SND1: variants seen among roughly 807,000 people sequenced by gnomAD.
The protein encoded by SND1 is staphylococcal nuclease domain-containing protein 1.
Under a neutral mutation model 121.7 loss-of-function variants are expected in SND1, and 38 were observed. The observed-to-expected ratio is 0.31, with a 90% CI of 0.24 to 0.41. The LOEUF is 0.41. Ranked by LOEUF, SND1 falls within the 10% of genes least tolerant of loss-of-function variation. The probability of loss-of-function intolerance (pLI) is 1.00; values close to 1 mark genes in which losing one functional copy is unlikely to be tolerated. For missense variants in SND1, 868 were observed against 1,184.6 expected (o/e 0.73, Z 3.92); for synonymous variants, 401 against 447.4 (o/e 0.90, Z 1.31).
At chr7:127,684,879 TAATGTACAATTAAATATTGTATATTGG>T (rs1442590421) in intron 1 of SND1, among the ~76,000 whole-genome samples, 265 of 152,298 alleles carry the variant, frequency 1.7e-3, no homozygotes, top group African/African-American at 4.9e-3. Context: ...AGTACTAATT[TAATGTACAATTAAATATTGTATATTGG>T]AATGTACAAT....
intron 10 of SND1, among the ~76,000 whole-genome samples, chr7:127,730,686 AT>A (rs1220965825): frequency 6.6e-6 from 1 of 151,676 alleles, no homozygotes; most frequent in Non-Finnish European, 1.5e-5. Flanking sequence ...ACTCAGTTTG[AT>A]TTTTCTGGGT....
At chr7:128,037,492 T>A (rs1420080541) in intron 16 of SND1, among the ~76,000 whole-genome samples, 1 of 152,246 alleles carries the variant, frequency 6.6e-6, no homozygotes, top group African/African-American at 2.4e-5. Flanking sequence ...GTTCTGGGAA[T>A]GAGGATGTAC....
chr7:128,031,044 A>AGAGGGGAGGGGAGGG (rs891308260), intron 16 of SND1: 8 of 64,722 alleles, frequency 1.2e-4, no homozygotes, highest in South Asian at 1.1e-3. Flanking sequence ...CGGGGAGGGC[A>AGAGGGGAGGGGAGGG]GAGGGGAGGG....
chr7:127,838,954 A>G (rs1218462283), intron 11 of SND1, among the ~76,000 whole-genome samples: 1 of 152,232 alleles, frequency 6.6e-6, no homozygotes. Flanking sequence ...TAAATGATAC[A>G]TATGTATCTT....
At chr7:127,970,606 T>C (rs2116884997) in intron 15 of SND1, among the ~76,000 whole-genome samples, 1 of 152,312 alleles carries the variant, frequency 6.6e-6, no homozygotes, top group East Asian at 1.9e-4. Flanking sequence ...CAAACACATA[T>C]TTTCTAGGTC....
At chr7:127,938,395 G>A (rs1292756344) in intron 15 of SND1, among the ~76,000 whole-genome samples, 2 of 152,184 alleles carry the variant, frequency 1.3e-5, no homozygotes, top group African/African-American at 4.8e-5. Flanking sequence ...GTCTAGTTAT[G>A]TAGATGGCCA....
At position 127,678,102 on chromosome 7, in the gene SND1, C is replaced by G. The variant is rs1290383301; in HGVS notation, c.79-8511C>G. 5.3e-5 allele frequency among the ~76,000 whole-genome samples: 8 copies of G among 152,218 alleles called. 1 individual carries two copies. Among genetic ancestry groups the G allele is most frequent in the Non-Finnish European group, 8.8e-5 (6 of 68,038 alleles). On this transcript the variant is annotated intron_variant, in intron 1 of 23. Coordinates refer to ENST00000354725, the MANE Select transcript of SND1 (RefSeq NM_014390.4). ...ATTTTAATTGAGAAAAAGATTTAAT[C>G]AGTAGGTAACCTCAGATACCATTTT...
At chr7:127,737,258 A>G (rs1181277304) in intron 10 of SND1, among the ~76,000 whole-genome samples, 4 of 152,144 alleles carry the variant, frequency 2.6e-5, no homozygotes, top group Non-Finnish European at 5.9e-5. Context: ...AGTACTGTCA[A>G]CCTAGTCTTG....
chr7:127,766,996 A>T (rs1797434344), intron 10 of SND1, among the ~76,000 whole-genome samples: 1 of 151,976 alleles, frequency 6.6e-6, no homozygotes, highest in South Asian at 2.1e-4. Flanking sequence ...AATACAGCTC[A>T]TGGCAATAAC....
At chr7:127,707,771 G>A (rs1796227117) in intron 9 of SND1, 124 bp downstream of exon 9, 3 of 290,926 alleles carry the variant, frequency 1.0e-5, no homozygotes, top group East Asian at 1.2e-4. Flanking sequence ...GTAGGAGTGT[G>A]TGTGTGTGTG....
chr7:128,057,873 C>T (rs1793168649), intron 16 of SND1, among the ~76,000 whole-genome samples: 1 of 152,086 alleles, frequency 6.6e-6, no homozygotes, highest in South Asian at 2.1e-4. Context: ...ATCAGTCGAC[C>T]CAGATCAAAG....
chr7:127,878,723 G>A (rs1799735428), intron 12 of SND1, among the ~76,000 whole-genome samples: 1 of 152,054 alleles, frequency 6.6e-6, no homozygotes, highest in Non-Finnish European at 1.5e-5. Flanking sequence ...TTGTTAATCA[G>A]TGTAAATGGA....
Position 127,994,735 on chromosome 7 carries a change from G to A in SND1, c.1779+3679G>A, listed in dbSNP as rs568409632. Among the ~76,000 whole-genome samples, 15 of 152,058 alleles carry A rather than the reference G, an allele frequency of 9.9e-5. No individual in the cohort carries two copies. In the East Asian group the frequency reaches 1.5e-3, roughly 16 times the overall value. ...TTCTTGTTGTTTGATTGTTTGAAACGGAGTCTCGCTCTGTCGCCCAGGCTG... is the reference window on the plus strand; with the variant it reads ...TTCTTGTTGTTTGATTGTTTGAAACAGAGTCTCGCTCTGTCGCCCAGGCTG... On this transcript the variant is annotated intron_variant, in intron 16 of 23. Coordinates refer to ENST00000354725, the MANE Select transcript of SND1 (RefSeq NM_014390.4).
rs57970276 is a variant in SND1 at position 127,831,154 on chromosome 7, G to T, written c.1243-13170G>T. 3.3e-3 allele frequency among the ~76,000 whole-genome samples: 496 copies of T among 152,266 alleles called. 2 individuals carry two copies. Among genetic ancestry groups the T allele is most frequent in the African/African-American group, 0.011 (437 of 41,544 alleles). ...CCAGTTTGTTCTATTGGGAAGTCTG[G>T]GTTCCTTTTCTACTCTGCTGATGAG... On this transcript the variant is annotated intron_variant, in intron 11 of 23. Coordinates refer to ENST00000354725, the MANE Select transcript of SND1 (RefSeq NM_014390.4).
rs143514735 is a variant in SND1, at chr7:127,808,903, T to G, written c.1242+1330T>G. ...TAGCCAAGGAATTTCTTCACAAGTG[T>G]GGGTTTCTATTGAAATTTATCTAAA... On this transcript the variant is annotated intron_variant, in intron 11 of 23. Transcript: ENST00000354725. 6.8e-4 allele frequency among the ~76,000 whole-genome samples: 104 copies of G among 152,362 alleles called. No individual in the cohort carries two copies. The East Asian group carries it at 0.015, about 21-fold the overall frequency.
At chr7:127,887,738 TTTA>T (rs1274263698) in intron 12 of SND1, among the ~76,000 whole-genome samples, 161 bp from the exon 13 acceptor site, 1 of 151,994 alleles carries the variant, frequency 6.6e-6, no homozygotes, top group East Asian at 1.9e-4. Context: ...TATTTAACCT[TTTA>T]TTTGGATTTC....
At chr7:127,964,575 C>T (rs1173040347) in intron 15 of SND1, among the ~76,000 whole-genome samples, 3 of 151,872 alleles carry the variant, frequency 2.0e-5, no homozygotes, top group Non-Finnish European at 2.9e-5. Context: ...AGGTAAGCGG[C>T]GTTATTTCTG....
intron 1 of SND1, among the ~76,000 whole-genome samples, chr7:127,680,627 C>T (rs1391756332): frequency 3.3e-5 from 5 of 151,904 alleles, no homozygotes; most frequent in African/African-American, 1.2e-4. Context: ...AAGGTTCTCT[C>T]TCTTGTTCCC....
chr7:127,788,497 CAAAAT>C (rs1333479037), intron 10 of SND1, among the ~76,000 whole-genome samples: 1 of 152,130 alleles, frequency 6.6e-6, no homozygotes, highest in Admixed American at 6.5e-5. Context: ...ACTTTTTAAA[CAAAAT>C]AAAATCCATG....
Sources: gnomAD v4.1 joint callset for allele counts (sites outside exome capture counted in the v4.1 genomes callset) on GRCh38, gnomAD v4.1.1 for gene constraint, MANE v1.5 for transcripts, NCBI Gene and HGNC (gene_info 2026-07-23, HGNC 2026-07-21) for gene names.